SLC34A1: variants seen among roughly 807,000 people sequenced by gnomAD.
SLC34A1 encodes sodium-dependent phosphate transport protein 2A.
In SLC34A1, 57 loss-of-function variants were observed where a neutral mutation model predicts 51.4. The observed-to-expected ratio is 1.11, with a 90% confidence interval of 0.90 to 1.38. SLC34A1 has a LOEUF of 1.38. Ranked by LOEUF, SLC34A1 falls within the 40% of genes most tolerant of loss-of-function variation. The pLI is 0.00. For missense variants in SLC34A1, 796 were observed against 835.6 expected, an observed-to-expected ratio of 0.95 and a Z score of 0.58; for synonymous variants, 368 against 358.0, an observed-to-expected ratio of 1.03 and a Z score of -0.32.
chr5:177,393,086 A>G (rs1173814546), intron 8 of SLC34A1, among the ~76,000 whole-genome samples: 1 of 152,148 alleles, frequency 6.6e-6, no homozygotes, highest in Non-Finnish European at 1.5e-5. Context: ...TTCCACACAC[A>G]GCCCGAGCTG....
intron 10 of SLC34A1, among the ~76,000 whole-genome samples, chr5:177,394,855 G>A (rs370949312): frequency 1.3e-4 from 19 of 151,758 alleles, no homozygotes; most frequent in Admixed American, 5.9e-4. Context: ...CACAACACCC[G>A]GCTAATTTTT....
intron 8 of SLC34A1, among the ~76,000 whole-genome samples, chr5:177,391,551 TAC>T (rs1358575423): frequency 6.6e-6 from 1 of 152,204 alleles, no homozygotes; most frequent in Non-Finnish European, 1.5e-5. Flanking sequence ...GGTTGTCTGC[TAC>T]CTCAGCATCC....
intron 8 of SLC34A1, among the ~76,000 whole-genome samples, chr5:177,392,745 T>A (rs2127352255): frequency 6.6e-6 from 1 of 152,242 alleles, no homozygotes; most frequent in South Asian, 2.1e-4. Context: ...TGCTCCAACC[T>A]CCTGAGTAGC....
At chr5:177,389,114 C>T (rs1762707899) in intron 8 of SLC34A1, among the ~76,000 whole-genome samples, 2 of 152,140 alleles carry the variant, frequency 1.3e-5, no homozygotes, top group African/African-American at 4.8e-5. Flanking sequence ...GCTTCTAATA[C>T]TGGGAAGATC....
chr5:177,385,457 A>G (rs947397601), intron 1 of SLC34A1, among the ~76,000 whole-genome samples: 3 of 151,908 alleles, frequency 2.0e-5, no homozygotes, highest in Non-Finnish European at 4.4e-5. Context: ...GCAGGTGCCC[A>G]GCACAGATGT....
At position 177,393,503 on chromosome 5, in the gene SLC34A1, C is replaced by G. The variant is rs111969580; in HGVS notation, c.937-191C>G. Among the ~76,000 whole-genome samples, 273 of 152,232 alleles carry G rather than the reference C, an allele frequency of 1.8e-3. 3 individuals are homozygous for G. Among genetic ancestry groups the G allele is most frequent in the African/African-American group, 6.5e-3 (269 of 41,530 alleles). ...GGCAGAACACACAGAGGACCAGATT[C>G]TTGTGTGGCAGGCACTTTCATCCAC... On this transcript the variant is annotated intron_variant, in intron 8 of 12. Coordinates refer to ENST00000324417, the MANE Select transcript of SLC34A1 (RefSeq NM_003052.5).
rs387907505 is a variant in SLC34A1 at position 177,388,009 on chromosome 5, C to G, written c.660C>G (p.Ala220=). ...RTDFRRAFAG[A]TVHDCFNWLS... ...CCCTGCCCAGGGCCTTCGCGGGGGC[C>G]ACGGTGCATGACTGCTTTAACTGGC... Residue 220 remains alanine, a synonymous_variant, in exon 7 of 13, where the codon GCC becomes GCG. Coordinates refer to ENST00000324417, the MANE Select transcript of SLC34A1 (RefSeq NM_003052.5). The surrounding 1 kb of genome is among the most constrained non-coding windows in gnomAD (Gnocchi z 4.3). 6.2e-7 allele frequency: 1 copy of G among 1,613,144 alleles called. No individual in the cohort carries two copies.
At position 177,388,714 on chromosome 5, in the gene SLC34A1, T is replaced by G. The variant is rs1277772222; in HGVS notation, c.936+342T>G. ...TAGACCTACTGAATCTGGAAACCCC[T>G]GGGAGCGGGGCCAATGGCCTATGCT... is the stretch of plus-strand genomic sequence containing the variant. On this transcript the variant is annotated intron_variant, in intron 8 of 12. Transcript: ENST00000324417. This position sits in a 1 kb window ranked among gnomAD's most constrained non-coding sequence, Gnocchi z 4.3. Among the ~76,000 whole-genome samples, 1 of 152,152 alleles carries G rather than the reference T, an allele frequency of 6.6e-6. No homozygotes were observed. The highest frequency in any genetic ancestry group is 1.5e-5 in the Non-Finnish European group (1 of 68,044).
chr5:177,389,195 A>G (rs1210840542), intron 8 of SLC34A1, among the ~76,000 whole-genome samples: 41 of 152,124 alleles, frequency 2.7e-4, no homozygotes, highest in Admixed American at 2.6e-3. Flanking sequence ...CAATTAGCAC[A>G]CTTCCTTACT....
At chr5:177,387,921 C>T (rs771426396) in intron 6 of SLC34A1, 48 bp downstream of exon 6, 1 of 1,609,796 alleles carries the variant, frequency 6.2e-7, no homozygotes, top group Non-Finnish European at 8.5e-7. Context: ...GAGGACAGCC[C>T]CAGATGCCAG....
At chr5:177,390,087 C>A in intron 8 of SLC34A1, 2 of 1,118,798 alleles carry the variant, frequency 1.8e-6, no homozygotes. Context: ...CTCTTCCTGC[C>A]CAAAGACGGG....
intron 8 of SLC34A1, among the ~76,000 whole-genome samples, chr5:177,392,947 A>G (rs2127352380): frequency 1.3e-5 from 2 of 152,344 alleles, no homozygotes. Flanking sequence ...AGAACTTCAG[A>G]GTTGTGGCTT....
chr5:177,392,758 G>C (rs963615481), intron 8 of SLC34A1, among the ~76,000 whole-genome samples: 2 of 152,130 alleles, frequency 1.3e-5, no homozygotes, highest in Admixed American at 6.5e-5. Context: ...TGAGTAGCTA[G>C]GACTACAGGT....
At position 177,398,208 on chromosome 5, in the gene SLC34A1, C is replaced by T; in HGVS notation, c.1842C>T (p.Val614=). ...GCTCACCCCCGCTGCCCCCCAGGGT[C>T]TTCCTGGAGGAGCTACCCCCTGCCA... ...EPRSPPLPPR[V]FLEELPPATP... is the part of the protein sequence containing the mutation. The change falls in exon 13 of 13, where the codon GTC becomes GTT. Residue 614 remains valine (V), a synonymous_variant. Coordinates refer to ENST00000324417, the MANE Select transcript of SLC34A1 (RefSeq NM_003052.5). This position sits in a 1 kb window ranked among gnomAD's most constrained non-coding sequence, Gnocchi z 4.7. 6.2e-7 allele frequency: 1 copy of T among 1,606,046 alleles called. No homozygotes were observed. The highest frequency in any genetic ancestry group is 1.3e-5 in the African/African-American group (1 of 75,016).
Position 177,396,897 on chromosome 5 carries a change from G to C in SLC34A1, c.1291+48G>C. ...AGTGGGGTGGGCCAGGGCTGGCAGGGAAAGGGCCGAAGGAGACGCTGGGGG... is the reference window on the plus strand; with the variant it reads ...AGTGGGGTGGGCCAGGGCTGGCAGGCAAAGGGCCGAAGGAGACGCTGGGGG... On this transcript the variant is annotated intron_variant, in intron 11 of 12. Transcript: ENST00000324417. This position sits in a 1 kb window ranked among gnomAD's most constrained non-coding sequence, Gnocchi z 4.0. The C allele has an allele frequency of 1.2e-6, 2 of 1,614,176 alleles. No homozygotes were observed. The highest frequency in any genetic ancestry group is 8.5e-7 in the Non-Finnish European group (1 of 1,180,036).
rs115706230 is a variant in SLC34A1, at chr5:177,392,009, C to A, written c.937-1685C>A. ...GGTTTTCTCATCTAGCCCATCGCAG[C>A]CTATTTTTTCCAGGCTTCTTGGCCT... is the stretch of plus-strand genomic sequence containing the variant. On this transcript the variant is annotated intron_variant, in intron 8 of 12. Coordinates refer to ENST00000324417, the MANE Select transcript of SLC34A1 (RefSeq NM_003052.5). 5.3e-3 allele frequency among the ~76,000 whole-genome samples: 803 copies of A among 152,344 alleles called. 9 individuals are homozygous for A. Among genetic ancestry groups the A allele is most frequent in the African/African-American group, 0.018 (763 of 41,582 alleles).
intron 12 of SLC34A1, chr5:177,397,312 C>T: frequency 1.8e-6 from 1 of 563,558 alleles, no homozygotes; most frequent in Non-Finnish European, 3.1e-6. Flanking sequence ...CGGATTTGCA[C>T]CATAAGGAAG....
intron 8 of SLC34A1, 120 bp from the exon 9 acceptor site, chr5:177,393,574 T>C (rs1762873172): frequency 3.3e-6 from 3 of 915,882 alleles, no homozygotes; most frequent in Non-Finnish European, 5.4e-6. Flanking sequence ...AAGAGACCCA[T>C]CCATGGTCAC....
rs538274637 is a variant in SLC34A1 at position 177,392,889 on chromosome 5, A to T, written c.937-805A>T. 1.5e-4 allele frequency among the ~76,000 whole-genome samples: 23 copies of T among 152,326 alleles called. No individual in the cohort carries two copies. The South Asian group carries it at 4.6e-3, about 30-fold the overall frequency. On this transcript the variant is annotated intron_variant, in intron 8 of 12. Transcript: ENST00000324417. Reference sequence around the variant, plus strand: ...CTCAGCCCCCCAAAGTGCTGGGATTACAGCCATGAGCCACACTGCACCTGG... The same window carrying T: ...CTCAGCCCCCCAAAGTGCTGGGATTTCAGCCATGAGCCACACTGCACCTGG...
Sources: gnomAD v4.1 joint callset for allele counts (sites outside exome capture counted in the v4.1 genomes callset) on GRCh38, gnomAD v4.1.1 for gene constraint, Gnocchi (gnomAD v3.1) non-coding constraint, MANE v1.5 for transcripts, NCBI Gene and HGNC (gene_info 2026-07-23, HGNC 2026-07-21) for gene names.